The following SLC41A1 variants were observed in gnomAD, a reference collection of about 807,000 sequenced individuals.
The protein encoded by SLC41A1 is solute carrier family 41 member 1.
SLC41A1 carries 20 observed loss-of-function variants against 47.3 expected under a neutral mutation model. The ratio of observed to expected loss-of-function variants is 0.42; its 90% CI spans 0.30 to 0.61. The LOEUF (loss-of-function observed/expected upper bound fraction) is 0.61. Ranked by LOEUF, SLC41A1 falls within the 20% of genes least tolerant of loss-of-function variation. SLC41A1 has a pLI of 0.17. For missense variants in SLC41A1, 504 were observed against 674.1 expected, an observed-to-expected ratio of 0.75 and a Z score of 2.79; for synonymous variants, 282 against 272.7, an observed-to-expected ratio of 1.03 and a Z score of -0.34.
intron 10 of SLC41A1, among the ~76,000 whole-genome samples, chr1:205,793,979 AAATC>A (rs1655683445): frequency 6.6e-6 from 1 of 152,242 alleles, no homozygotes; most frequent in Non-Finnish European, 1.5e-5. Context: ...GACTATTCAA[AAATC>A]AAACCTATAA....
intron 2 of SLC41A1, among the ~76,000 whole-genome samples, chr1:205,807,960 G>GT (rs113940724): frequency 0.013 from 1,895 of 142,102 alleles, 39 homozygotes; most frequent in African/African-American, 0.037. Context: ...CCCAGCCAGA[G>GT]TTTTTTTTTT....
At chr1:205,812,483 T>A (rs1159817224) in intron 1 of SLC41A1, among the ~76,000 whole-genome samples, 1 of 152,160 alleles carries the variant, frequency 6.6e-6, no homozygotes, top group African/African-American at 2.4e-5. Context: ...GCCTCCCTCC[T>A]GTGTTCCTGG....
Position 205,798,705 on chromosome 1 carries a change from G to A in SLC41A1, c.808C>T (p.Leu270Phe). The change falls in exon 6 of 11, where the codon CTC (leucine) becomes TTC (phenylalanine). Residue 270 changes from leucine (L) to phenylalanine (F), a missense_variant. Leu to Phe is a conservative substitution (Grantham distance 22). This residue lies in a region of SLC41A1 where 421 missense variants were observed against 601.6 expected (regional missense o/e 0.70). Transcript: ENST00000367137. ...SLGDLITLAL[L>F]SGISWGLYLE... ...TAGAGTCCCCAGCTGATGCCTGAGA[G>A]CAGCGCCAAGGTGATGAGGTCGCCC... 6.2e-7 allele frequency: 1 copy of A among 1,614,220 alleles called. No individual in the cohort carries two copies. The highest frequency in any genetic ancestry group is 8.5e-7 in the Non-Finnish European group (1 of 1,180,042).
intron 2 of SLC41A1, among the ~76,000 whole-genome samples, chr1:205,802,769 T>TAAAATAAAATAAAATA (rs1571646740): frequency 2.8e-5 from 4 of 141,574 alleles, no homozygotes; most frequent in South Asian, 2.3e-4. Context: ...TAAAATAAAA[T>TAAAATAAAATAAAATA]AGATAAAATA....
In SLC41A1 at chr1:205,808,700, G is replaced by C. The variant is rs1050683642; in HGVS notation, c.372+1370C>G. Among the ~76,000 whole-genome samples the C allele has an allele frequency of 4.6e-5, 7 of 152,348 alleles. No individual in the cohort carries two copies. In the East Asian group the frequency reaches 1.2e-3, roughly 25 times the overall value. On this transcript the variant is annotated intron_variant, in intron 2 of 10. Coordinates refer to ENST00000367137, the MANE Select transcript of SLC41A1 (RefSeq NM_173854.6). ...CTAGCAGGAGGAACCCAAAGCTCCA[G>C]GCTGGCTTCCCAACCTCCATGTAGG...
rs746947760 is a variant in SLC41A1, at chr1:205,791,698, G to A, written c.1377C>T (p.Ile459=). The A allele has an allele frequency of 4.3e-6, 7 of 1,613,920 alleles. No homozygotes were observed. The highest frequency in any genetic ancestry group is 2.2e-5 in the East Asian group (1 of 44,874). The change falls in exon 11 of 11, where the codon ATC becomes ATT. Residue 459 remains isoleucine, a synonymous_variant. Transcript: ENST00000367137. The surrounding 1 kb of genome is among the most constrained non-coding windows in gnomAD (Gnocchi z 4.0). ...ALLQVLILLY[I]ADWMVHWMWG... ...ACATCCAGTGCACCATCCAGTCTGC[G>A]ATGTACAGGAGAATCAGCACCTGGG...
chr1:205,812,792 A>AC lies in SLC41A1; in HGVS notation c.-647+15dup, dbSNP rs913569853. The AC allele has an allele frequency of 3.9e-5, 35 of 888,238 alleles. No homozygotes were observed. In the African/African-American group the frequency reaches 5.9e-4, roughly 15 times the overall value. The allele number at this position is 888,238 out of a possible 1,614,324, so 55.0% of individuals were successfully genotyped here. A position where few individuals can be genotyped will look rare whatever the true frequency, so the allele number is the denominator to read the frequency against. ...TCCACCACCCCCTCCCCGCCCCAGG[A>AC]CCCCACAGGACTGACCTGCCCCTCG... On this transcript the variant is annotated intron_variant, in intron 1 of 10. Transcript: ENST00000367137.
chr1:205,792,648 T>C (rs1249240228), intron 10 of SLC41A1, among the ~76,000 whole-genome samples: 1 of 152,172 alleles, frequency 6.6e-6, no homozygotes, highest in Non-Finnish European at 1.5e-5. Flanking sequence ...ATGCCCTTGA[T>C]CTAGAATACC....
chr1:205,810,376 G>T lies in SLC41A1; in HGVS notation c.66C>A (p.Pro22=). The change falls in exon 2 of 11, where the codon CCC becomes CCA. Residue 22 remains proline, a synonymous_variant. Transcript: ENST00000367137. The surrounding 1 kb of genome is among the most constrained non-coding windows in gnomAD (Gnocchi z 5.5). ...QLNGTGPSAS[P]CSSDGPGREP... ...CTCTCCCTGGGCCATCTGAAGAGCA[G>T]GGAGAGGCAGAAGGGCCAGTCCCGT... is the stretch of plus-strand genomic sequence containing the variant. 6.2e-7 allele frequency: 1 copy of T among 1,614,240 alleles called. No homozygotes were observed. Among genetic ancestry groups the T allele is most frequent in the Non-Finnish European group, 8.5e-7 (1 of 1,180,052 alleles).
chr1:205,801,739 C>G (rs774540850), intron 2 of SLC41A1, among the ~76,000 whole-genome samples: 13 of 152,204 alleles, frequency 8.5e-5, no homozygotes, highest in Non-Finnish European at 1.9e-4. Flanking sequence ...AGGAAGAGCC[C>G]TGGACCGGGA....
rs766289481 is a variant in SLC41A1, at chr1:205,799,841, G to C, written c.481-11C>G. ...GTGTCCAATGTTGGCCTGGGAAAGG[G>C]AGGGCAAGGGGCTGGAGCTTCAGGC... is the stretch of plus-strand genomic sequence containing the variant. On this transcript the variant is annotated splice_polypyrimidine_tract_variant and intron_variant, in intron 3 of 10. Coordinates refer to ENST00000367137, the MANE Select transcript of SLC41A1 (RefSeq NM_173854.6). 1 of 1,613,872 alleles carries C rather than the reference G, an allele frequency of 6.2e-7. No individual in the cohort carries two copies. The highest frequency in any genetic ancestry group is 8.5e-7 in the Non-Finnish European group (1 of 1,179,840).
chr1:205,791,751 T>A lies in SLC41A1; in HGVS notation c.1357-33A>T. 1.2e-6 allele frequency: 2 copies of A among 1,609,576 alleles called. No homozygotes were observed. Among genetic ancestry groups the A allele is most frequent in the Non-Finnish European group, 8.5e-7 (1 of 1,178,672 alleles). ...GACAAAAGGGCCCAGCCTATAGCCA[T>A]CCTCTCTCTCCAGGGGGAGCCAGAG... On this transcript the variant is annotated intron_variant, in intron 10 of 10. Coordinates refer to ENST00000367137, the MANE Select transcript of SLC41A1 (RefSeq NM_173854.6). This position sits in a 1 kb window ranked among gnomAD's most constrained non-coding sequence, Gnocchi z 4.0.
Position 205,810,174 on chromosome 1 carries a change from G to A in SLC41A1, c.268C>T (p.Pro90Ser). 6.2e-7 allele frequency: 1 copy of A among 1,614,256 alleles called. No individual in the cohort carries two copies. The highest frequency in any genetic ancestry group is 8.5e-7 in the Non-Finnish European group (1 of 1,180,044). The change falls in exon 2 of 11, where the codon CCG becomes TCG. Residue 90 changes from proline (P) to serine (S), a missense_variant. This residue lies in a region of SLC41A1 where 421 missense variants were observed against 601.6 expected (regional missense o/e 0.70). Transcript: ENST00000367137. This position sits in a 1 kb window ranked among gnomAD's most constrained non-coding sequence, Gnocchi z 5.5. Reference sequence around the variant, plus strand: ...ATGGAAAAGGAGGTCTCCTTGAGCGGGGAAGGTGGCGCAGGGCCACGGTCT... The same window carrying A: ...ATGGAAAAGGAGGTCTCCTTGAGCGAGGAAGGTGGCGCAGGGCCACGGTCT... ...STDRGPAPPS[P>S]LKETSFSIGL...
rs376056560 is a variant in SLC41A1, at chr1:205,798,754, C to A, written c.759G>T (p.Val253=). ...CCAGGCTGGCAGCAATGGGTGTGGC[C>A]ACGTTGTCTGGGTTGATCCCAATCT... ...SRKIGINPDN[V]ATPIAASLGD... Residue 253 remains valine (V), a synonymous_variant, in exon 6 of 11, where the codon GTG becomes GTT. Transcript: ENST00000367137. 6 of 1,614,118 alleles carry A rather than the reference C, an allele frequency of 3.7e-6. No individual in the cohort carries two copies. The highest frequency in any genetic ancestry group is 2.5e-6 in the Non-Finnish European group (3 of 1,180,034).
intron 10 of SLC41A1, 112 bp downstream of exon 10, chr1:205,794,758 T>G: frequency 2.8e-6 from 4 of 1,421,876 alleles, no homozygotes; most frequent in Non-Finnish European, 2.9e-6. Context: ...TCAGCTGCCC[T>G]GACACAGAGA....
At chr1:205,802,890 TG>T (rs1407365744) in intron 2 of SLC41A1, among the ~76,000 whole-genome samples, 9 of 151,910 alleles carry the variant, frequency 5.9e-5, no homozygotes, top group Non-Finnish European at 8.8e-5. Context: ...GAGTTTGGGC[TG>T]GGCATAGTGG....
At chr1:205,797,081 C>A in intron 7 of SLC41A1, 78 bp from the exon 8 acceptor site, 1 of 1,278,686 alleles carries the variant, frequency 7.8e-7, no homozygotes, top group Non-Finnish European at 1.1e-6. Context: ...GAGGTCCAGG[C>A]CCACCTATCC....
chr1:205,793,045 C>T (rs1655660364), intron 10 of SLC41A1, among the ~76,000 whole-genome samples: 1 of 152,152 alleles, frequency 6.6e-6, no homozygotes, highest in African/African-American at 2.4e-5. Context: ...ACACAGCTGT[C>T]TTGTGCTACC....
chr1:205,798,323 G>T (rs1181604759), intron 6 of SLC41A1, among the ~76,000 whole-genome samples: 2 of 152,154 alleles, frequency 1.3e-5, no homozygotes, highest in Admixed American at 6.5e-5. Flanking sequence ...TAGGTCTCTT[G>T]ATTGGAGCCC....
Sources: allele counts gnomAD v4.1 joint callset (sites outside exome capture counted in the v4.1 genomes callset), GRCh38; gene constraint gnomAD v4.1.1; regional missense constraint gnomAD v4.1.1; non-coding constraint Gnocchi (gnomAD v3.1); transcripts MANE v1.5; gene names NCBI Gene and HGNC (gene_info 2026-07-23, HGNC 2026-07-21).